The following SOX5 variants were observed in gnomAD, a reference collection of about 807,000 sequenced individuals.
SOX5 encodes transcription factor SOX-5.
Under a neutral mutation model 92.0 loss-of-function variants are expected in SOX5, and 9 were observed. The ratio of observed to expected loss-of-function variants is 0.10; its 90% CI spans 0.06 to 0.17. The LOEUF (loss-of-function observed/expected upper bound fraction) is 0.17. Among genes scored for constraint, SOX5 ranks in the 10% least tolerant of loss-of-function variants. The probability of loss-of-function intolerance (pLI) is 1.00; values close to 1 mark genes in which losing one functional copy is unlikely to be tolerated. For synonymous variants in SOX5, 344 were observed against 336.3 expected (o/e 1.02, Z -0.25); for missense variants, 642 against 944.5 (o/e 0.68, Z 4.20).
chr12:23,986,407 GAC>G (rs1950068521), intron 4 of SOX5, among the ~76,000 whole-genome samples: 1 of 151,854 alleles, frequency 6.6e-6, no homozygotes, highest in African/African-American at 2.4e-5. Flanking sequence ...GTCAGAAAAG[GAC>G]TTATTATCAC....
At chr12:23,797,060 GA>G (rs1204955908) in intron 3 of SOX5, among the ~76,000 whole-genome samples, 1 of 151,210 alleles carries the variant, frequency 6.6e-6, no homozygotes, top group Non-Finnish European at 1.5e-5. Flanking sequence ...CGTAAAATCT[GA>G]AAAAAACACA....
intron 3 of SOX5, among the ~76,000 whole-genome samples, chr12:23,795,782 ATG>A (rs1594519968): frequency 6.6e-6 from 1 of 152,150 alleles, no homozygotes; most frequent in African/African-American, 2.4e-5. Flanking sequence ...CCTCAGGAGA[ATG>A]TGTGTTTGTG....
chr12:24,404,450 T>C (rs1262780360), intron 1 of SOX5, among the ~76,000 whole-genome samples: 5 of 152,184 alleles, frequency 3.3e-5, no homozygotes, highest in African/African-American at 7.2e-5. Context: ...TGGTGATAGA[T>C]TGGACCTCTC....
At chr12:24,426,193 CTT>C (rs1966735246) in intron 1 of SOX5, among the ~76,000 whole-genome samples, 1 of 151,500 alleles carries the variant, frequency 6.6e-6, no homozygotes, top group African/African-American at 2.4e-5. Flanking sequence ...GAGCAAGACT[CTT>C]GTCTCAAAAA....
intron 4 of SOX5, among the ~76,000 whole-genome samples, chr12:23,984,948 A>G (rs1007712847): frequency 1.3e-5 from 2 of 152,348 alleles, no homozygotes; most frequent in East Asian, 3.9e-4. Flanking sequence ...TGTGTGAAAA[A>G]TCAGACTTTG....
chr12:23,559,091 A>G (rs1268014069), intron 11 of SOX5, among the ~76,000 whole-genome samples: 1 of 152,150 alleles, frequency 6.6e-6, no homozygotes, highest in East Asian at 1.9e-4. Flanking sequence ...TTGTATTAAG[A>G]CTGTCTGGTG....
At chr12:24,228,582 C>T (rs1962613677) in intron 3 of SOX5, among the ~76,000 whole-genome samples, 1 of 152,216 alleles carries the variant, frequency 6.6e-6, no homozygotes, top group Non-Finnish European at 1.5e-5. Context: ...AATGCCAACT[C>T]AACCCTGCAA....
intron 8 of SOX5, among the ~76,000 whole-genome samples, chr12:23,630,421 T>A (rs927961697): frequency 6.6e-6 from 1 of 151,952 alleles, no homozygotes; most frequent in Non-Finnish European, 1.5e-5. Context: ...CAGAGATGAA[T>A]GAAATTATTT....
At chr12:23,866,358 T>C (rs1387946081) in intron 2 of SOX5, among the ~76,000 whole-genome samples, 1 of 152,222 alleles carries the variant, frequency 6.6e-6, no homozygotes, top group Non-Finnish European at 1.5e-5. Flanking sequence ...TTAAAGTACA[T>C]ATAATTTGTT....
intron 9 of SOX5, among the ~76,000 whole-genome samples, chr12:23,591,001 T>C (rs1951458059): frequency 6.6e-6 from 1 of 152,056 alleles, no homozygotes; most frequent in African/African-American, 2.4e-5. Context: ...ATCTTGTTTT[T>C]TAAAGCAGGA....
chr12:24,401,210 G>A (rs749777778), intron 1 of SOX5, among the ~76,000 whole-genome samples: 1 of 151,970 alleles, frequency 6.6e-6, no homozygotes, highest in Non-Finnish European at 1.5e-5. Context: ...AAATTAGCCG[G>A]TCCTGGTGGC....
At chr12:24,443,382 T>C (rs980440016) in intron 1 of SOX5, among the ~76,000 whole-genome samples, 2 of 152,218 alleles carry the variant, frequency 1.3e-5, no homozygotes, top group African/African-American at 4.8e-5. Context: ...AGATGCCACA[T>C]GAATTTAGCG....
At chr12:23,776,197 T>A (rs1428174114) in intron 3 of SOX5, among the ~76,000 whole-genome samples, 1 of 152,208 alleles carries the variant, frequency 6.6e-6, no homozygotes, top group African/African-American at 2.4e-5. Flanking sequence ...GAAAACATTA[T>A]CTTTTTTTGA....
intron 3 of SOX5, among the ~76,000 whole-genome samples, chr12:23,775,910 G>C (rs2095083458): frequency 6.6e-6 from 1 of 152,178 alleles, no homozygotes. Flanking sequence ...TTTGGCACGA[G>C]GAACCAGTTT....
At chr12:24,149,342 C>T (rs559003434) in intron 4 of SOX5, among the ~76,000 whole-genome samples, 5 of 152,066 alleles carry the variant, frequency 3.3e-5, no homozygotes, top group Non-Finnish European at 7.4e-5. Flanking sequence ...ATAAAAGACT[C>T]TCAAAACTCA....
intron 4 of SOX5, among the ~76,000 whole-genome samples, chr12:24,111,321 A>G (rs1321892168): frequency 1.3e-5 from 2 of 152,204 alleles, no homozygotes; most frequent in East Asian, 3.8e-4. Context: ...ATCTGTACTC[A>G]TGCTTCAAGG....
At chr12:24,168,735 T>C (rs1953713896) in intron 4 of SOX5, among the ~76,000 whole-genome samples, 1 of 152,158 alleles carries the variant, frequency 6.6e-6, no homozygotes, top group African/African-American at 2.4e-5. Context: ...TTAGTAAGTA[T>C]AAAAGAAGCC....
intron 4 of SOX5, among the ~76,000 whole-genome samples, chr12:24,041,211 A>G (rs1221313083): frequency 1.3e-5 from 2 of 152,142 alleles, no homozygotes; most frequent in African/African-American, 4.8e-5. Flanking sequence ...GGCTTTCTCT[A>G]TCTTTTGAGT....
rs140263637 is a variant in SOX5, at chr12:24,426,931, A to G, written c.-250-58292T>C. ...CTTGATCACTCATCACTCTTCAATG[A>G]AGTCTGCCCTACTACCCAAGCACCT... On this transcript the variant is annotated intron_variant, in intron 1 of 4. Coordinates refer to the SOX5 transcript ENST00000446891. Among the ~76,000 whole-genome samples the G allele has an allele frequency of 4.2e-3, 644 of 152,270 alleles. 4 individuals are homozygous for G. Among genetic ancestry groups the G allele is most frequent in the Non-Finnish European group, 6.8e-3 (463 of 68,022 alleles).
Sources: allele counts gnomAD v4.1 joint callset (sites outside exome capture counted in the v4.1 genomes callset), GRCh38; gene constraint gnomAD v4.1.1; transcripts MANE v1.5; gene names NCBI Gene and HGNC (gene_info 2026-07-23, HGNC 2026-07-21).